The following PCDHGA12 variants were observed in gnomAD, a reference collection of about 807,000 sequenced individuals.
The protein encoded by PCDHGA12 is protocadherin gamma subfamily A, 12.
PCDHGA12 carries 43 observed loss-of-function variants against 61.1 expected under a neutral mutation model. That is an observed-to-expected ratio of 0.70 (90% CI 0.55 to 0.91). The LOEUF (loss-of-function observed/expected upper bound fraction) is 0.91. Among genes scored for constraint, PCDHGA12 ranks in the 40% least tolerant of loss-of-function variants. The pLI is 0.00. For synonymous variants in PCDHGA12, 520 were observed against 542.9 expected, an observed-to-expected ratio of 0.96 and a Z score of 0.59; for missense variants, 1,236 against 1,227.7, an observed-to-expected ratio of 1.01 and a Z score of -0.10.
At chr5:141,500,094 A>C (rs2099796337) in intron 2 of PCDHGA12, among the ~76,000 whole-genome samples, 1 of 151,860 alleles carries the variant, frequency 6.6e-6, no homozygotes, top group South Asian at 2.1e-4. Context: ...CCATTTTTGC[A>C]ATTTATTTGT....
At chr5:141,492,244 C>T (rs1334647731) in intron 1 of PCDHGA12, among the ~76,000 whole-genome samples, 1 of 152,198 alleles carries the variant, frequency 6.6e-6, no homozygotes, top group Admixed American at 6.5e-5. Flanking sequence ...TGGCCACCCC[C>T]ACGGCCCACA....
intron 1 of PCDHGA12, among the ~76,000 whole-genome samples, chr5:141,435,760 T>TTGGTGAATTC (rs2097778609): frequency 1.3e-5 from 2 of 152,172 alleles, no homozygotes; most frequent in African/African-American, 4.8e-5. Context: ...TTGATTTCTT[T>TTGGTGAATTC]TGGTGAATTC....
At chr5:141,480,525 A>G (rs191522157) in intron 1 of PCDHGA12, among the ~76,000 whole-genome samples, 131 of 152,310 alleles carry the variant, frequency 8.6e-4, no homozygotes, top group African/African-American at 2.6e-3. Context: ...AAAAATGACA[A>G]AGTAGAAGCA....
At chr5:141,450,626 A>G (rs1474729472) in intron 1 of PCDHGA12, among the ~76,000 whole-genome samples, 1 of 151,438 alleles carries the variant, frequency 6.6e-6, no homozygotes, top group East Asian at 2.0e-4. Context: ...AGCTGGGATT[A>G]CAGATGCCTG....
Position 141,450,758 on chromosome 5 carries a change from A to C in PCDHGA12, c.2424+17575A>C, listed in dbSNP as rs1007910264. On this transcript the variant is annotated intron_variant, in intron 1 of 3. Transcript: ENST00000252085. ...CGCCTTGGCCTCCCAAAGTGCCGGGATTACAGGCATGAGCCACCGTGCCCG... is the reference window on the plus strand; with the variant it reads ...CGCCTTGGCCTCCCAAAGTGCCGGGCTTACAGGCATGAGCCACCGTGCCCG... Among the ~76,000 whole-genome samples the C allele has an allele frequency of 5.3e-5, 8 of 151,784 alleles. No individual in the cohort carries two copies. In the East Asian group the frequency reaches 1.4e-3, roughly 26 times the overall value.
intron 2 of PCDHGA12, among the ~76,000 whole-genome samples, chr5:141,500,281 T>A (rs1254933339): frequency 2.0e-5 from 3 of 151,934 alleles, no homozygotes; most frequent in Non-Finnish European, 4.4e-5. Context: ...CAATCTCGGC[T>A]CACTGCAAGC....
intron 1 of PCDHGA12, among the ~76,000 whole-genome samples, chr5:141,462,125 A>AT (rs1561991410): frequency 6.6e-6 from 1 of 151,688 alleles, no homozygotes; most frequent in African/African-American, 2.4e-5. Context: ...ACCCAGTCCA[A>AT]TTTTTTGTAT....
rs768509409 is a variant in PCDHGA12 at position 141,489,236 on chromosome 5, G to C, written c.2425-5571G>C. 1 of 1,531,176 alleles carries C rather than the reference G, an allele frequency of 6.5e-7. No homozygotes were observed. 94.8% of individuals were successfully genotyped at this position (1,531,176 alleles called of 1,614,324 possible). On this transcript the variant is annotated intron_variant, in intron 1 of 3. Transcript: ENST00000252085. The surrounding 1 kb of genome is among the most constrained non-coding windows in gnomAD (Gnocchi z 4.5). The stretch of plus-strand genomic sequence containing the variant: ...ACTTACTCTCCACAAAGGGACTTCT[G>C]GGTCATGGGGCCCAAGACACTCCCA...
Position 141,511,072 on chromosome 5 carries a change from A to C in PCDHGA12, c.2698A>C (p.Ser900Arg). The C allele has an allele frequency of 6.2e-7, 1 of 1,614,252 alleles. No individual in the cohort carries two copies. Among genetic ancestry groups the C allele is most frequent in the Non-Finnish European group, 8.5e-7 (1 of 1,180,034 alleles). Residue 900 changes from serine to arginine, a missense_variant, in exon 4 of 4, where the codon AGC (serine) becomes CGC (arginine). Ser to Arg is a moderately radical substitution (Grantham distance 110). Coordinates refer to ENST00000252085, the MANE Select transcript of PCDHGA12 (RefSeq NM_003735.3). ...CCGCCAGAATGTCTACATCCCAGGC[A>C]GCAATGCCACACTGACCAACGCAGC... ...DYRQNVYIPG[S>R]NATLTNAAGK...
chr5:141,497,326 T>C (rs1021730142), intron 2 of PCDHGA12, among the ~76,000 whole-genome samples: 1 of 152,060 alleles, frequency 6.6e-6, no homozygotes, highest in Non-Finnish European at 1.5e-5. Flanking sequence ...TGAAGCAGAA[T>C]TCACCATTGA....
At position 141,490,460 on chromosome 5, in the gene PCDHGA12, TA is replaced by T. The variant is rs1393913480; in HGVS notation, c.2425-4345del. 1.2e-6 allele frequency: 2 copies of T among 1,614,094 alleles called. No individual in the cohort carries two copies. The highest frequency in any genetic ancestry group is 1.7e-6 in the Non-Finnish European group (2 of 1,180,048). On this transcript the variant is annotated intron_variant, in intron 1 of 3. Coordinates refer to ENST00000252085, the MANE Select transcript of PCDHGA12 (RefSeq NM_003735.3). The surrounding 1 kb of genome is among the most constrained non-coding windows in gnomAD (Gnocchi z 5.4). ...CCTTCTGAGAACCACTACTCGCTGC[TA>T]ACCAGCCAGCCTTTGGACCGGGAGG... is the stretch of plus-strand genomic sequence containing the variant.
chr5:141,444,044 T>C (rs188266846), intron 1 of PCDHGA12, among the ~76,000 whole-genome samples: 1 of 152,098 alleles, frequency 6.6e-6, no homozygotes, highest in East Asian at 1.9e-4. Flanking sequence ...ATCAGATAAT[T>C]TGGCATCTTC....
At chr5:141,500,876 A>G (rs909126749) in intron 2 of PCDHGA12, among the ~76,000 whole-genome samples, 1 of 124,952 alleles carries the variant, frequency 8.0e-6, no homozygotes, top group African/African-American at 3.5e-5. Flanking sequence ...ATTCATTTAC[A>G]ATTTTTTTTT....
Position 141,433,066 on chromosome 5 carries a change from C to A in PCDHGA12, c.2307C>A (p.Ile769=). The change falls in exon 1 of 4, where the codon ATC becomes ATA. Residue 769 remains isoleucine (I), a synonymous_variant. Transcript: ENST00000252085. The part of the protein sequence containing the change: ...LTTDSRKSHL[I]FPQPNYADML... ...CGGACTCGCGGAAGAGTCACCTGAT[C>A]TTCCCCCAGCCCAACTATGCAGACA... 1.2e-6 allele frequency: 2 copies of A among 1,614,210 alleles called. No individual in the cohort carries two copies. Among genetic ancestry groups the A allele is most frequent in the Non-Finnish European group, 1.7e-6 (2 of 1,180,034 alleles).
At chr5:141,498,991 AG>A (rs1449718352) in intron 2 of PCDHGA12, among the ~76,000 whole-genome samples, 8 of 144,362 alleles carry the variant, frequency 5.5e-5, no homozygotes, top group Non-Finnish European at 1.0e-4. Context: ...GAAGGAAGGA[AG>A]GAAGGAAGGA....
At chr5:141,478,487 A>G (rs1593917832) in intron 1 of PCDHGA12, 1 of 1,613,454 alleles carries the variant, frequency 6.2e-7, no homozygotes, top group South Asian at 1.1e-5. Flanking sequence ...CACGCTGCGG[A>G]GCTGTGATCC....
chr5:141,465,021 C>A (rs974818222), intron 1 of PCDHGA12, among the ~76,000 whole-genome samples: 1 of 152,100 alleles, frequency 6.6e-6, no homozygotes, highest in Non-Finnish European at 1.5e-5. Flanking sequence ...AGATTACAGC[C>A]ATGAACCACC....
In PCDHGA12 at chr5:141,485,556, A is replaced by T; in HGVS notation, c.2425-9251A>T. On this transcript the variant is annotated intron_variant, in intron 1 of 3. Coordinates refer to ENST00000252085, the MANE Select transcript of PCDHGA12 (RefSeq NM_003735.3). This position sits in a 1 kb window ranked among gnomAD's most constrained non-coding sequence, Gnocchi z 5.7. ...GAGGTAGAGATCGTAGATGTGAATG[A>T]TCACGCCCCCCGTTTTCCGCGGCAG... is the stretch of plus-strand genomic sequence containing the variant. The T allele has an allele frequency of 6.2e-7, 1 of 1,613,664 alleles. No homozygotes were observed. Among genetic ancestry groups the T allele is most frequent in the Non-Finnish European group, 8.5e-7 (1 of 1,179,644 alleles).
intron 1 of PCDHGA12, among the ~76,000 whole-genome samples, chr5:141,452,271 C>A (rs1592214421): frequency 6.6e-6 from 1 of 152,108 alleles, no homozygotes. Flanking sequence ...TTTCTTGAAC[C>A]CTTTCTTACT....
Sources: gnomAD v4.1 joint callset for allele counts (sites outside exome capture counted in the v4.1 genomes callset) on GRCh38, gnomAD v4.1.1 for gene constraint, Gnocchi (gnomAD v3.1) non-coding constraint, MANE v1.5 for transcripts, NCBI Gene and HGNC (gene_info 2026-07-23, HGNC 2026-07-21) for gene names.